The following TRPM3 variants were observed in gnomAD, a reference collection of about 807,000 sequenced individuals.
The protein encoded by TRPM3 is transient receptor potential cation channel subfamily M member 3.
TRPM3 carries 77 observed loss-of-function variants against 181.2 expected under a neutral mutation model. The ratio of observed to expected loss-of-function variants is 0.42; its 90% confidence interval spans 0.35 to 0.51. TRPM3 has a LOEUF of 0.51. TRPM3 is among the 20% of genes least tolerant of loss of function. The pLI is 0.01. For missense variants in TRPM3, 1,759 were observed against 2,196.7 expected (o/e 0.80, Z 3.98); for synonymous variants, 745 against 796.4 (o/e 0.94, Z 1.09).
intron 6 of TRPM3, among the ~76,000 whole-genome samples, chr9:70,817,636 A>G (rs2092819031): frequency 6.6e-6 from 1 of 152,136 alleles, no homozygotes; most frequent in Non-Finnish European, 1.5e-5. Context: ...CTGCCAATCT[A>G]ATCTCTTACT....
rs145157017 is a variant in TRPM3, at chr9:71,377,231, C to T, written c.183+69422G>A. ...CAATTCCTATTGACCAAAGATACTTCGATAGCAGATCATTATAATAAATCT... is the reference window on the plus strand; with the variant it reads ...CAATTCCTATTGACCAAAGATACTTTGATAGCAGATCATTATAATAAATCT... On this transcript the variant is annotated intron_variant, in intron 1 of 24. Transcript: ENST00000357533. Among the ~76,000 whole-genome samples, 146 of 152,078 alleles carry T rather than the reference C, an allele frequency of 9.6e-4. 2 individuals are homozygous for T. Among genetic ancestry groups the T allele is most frequent in the South Asian group, 5.8e-3 (28 of 4,816 alleles).
At chr9:71,242,923 C>T (rs935158953) in intron 1 of TRPM3, among the ~76,000 whole-genome samples, 5 of 152,116 alleles carry the variant, frequency 3.3e-5, no homozygotes, top group Non-Finnish European at 7.3e-5. Flanking sequence ...GTCATTTTGC[C>T]CTGTTTGCCC....
chr9:71,242,555 A>G (rs568691086), intron 1 of TRPM3, among the ~76,000 whole-genome samples: 1 of 152,318 alleles, frequency 6.6e-6, no homozygotes, highest in African/African-American at 2.4e-5. Flanking sequence ...TTGGCAGAGA[A>G]AGATGTCTAT....
chr9:71,231,853 G>A (rs2309893), intron 1 of TRPM3, among the ~76,000 whole-genome samples: 20,374 of 152,074 alleles, frequency 0.13, 1,756 homozygotes, highest in Non-Finnish European at 0.19. Context: ...TGAGTGATGC[G>A]ATCATTCATA....
At chr9:70,674,601 C>G (rs2063620988) in intron 9 of TRPM3, among the ~76,000 whole-genome samples, 1 of 151,880 alleles carries the variant, frequency 6.6e-6, no homozygotes, top group African/African-American at 2.4e-5. Context: ...GCTCTGTTGC[C>G]CAGCCTGGAG....
At chr9:70,760,730 G>A (rs1198554811) in intron 8 of TRPM3, 4 of 150,670 alleles carry the variant, frequency 2.7e-5, no homozygotes. Flanking sequence ...TGACCTTTGA[G>A]AATAGTCTCT....
intron 1 of TRPM3, among the ~76,000 whole-genome samples, chr9:71,368,002 ATG>A (rs3041720): frequency 0.5 from 76,274 of 151,252 alleles, 19,555 homozygotes; most frequent in East Asian, 0.6. Context: ...GCACACACAC[ATG>A]TGAGTGTATG....
chr9:70,787,339 T>A (rs764540423), intron 6 of TRPM3, among the ~76,000 whole-genome samples: 10 of 152,172 alleles, frequency 6.6e-5, no homozygotes, highest in Non-Finnish European at 1.3e-4. Flanking sequence ...ATTGAATATA[T>A]CTATGCTTCC....
At chr9:71,090,793 A>T (rs1012628181) in intron 1 of TRPM3, among the ~76,000 whole-genome samples, 4 of 152,166 alleles carry the variant, frequency 2.6e-5, no homozygotes, top group African/African-American at 9.7e-5. Context: ...AATAATGACT[A>T]CCTACTTCAT....
chr9:70,749,952 C>T (rs2075838180), intron 8 of TRPM3, among the ~76,000 whole-genome samples: 1 of 152,130 alleles, frequency 6.6e-6, no homozygotes, highest in African/African-American at 2.4e-5. Context: ...TTGACAGTCA[C>T]TGCATGTATC....
intron 1 of TRPM3, among the ~76,000 whole-genome samples, chr9:71,034,153 G>A (rs1168899467): frequency 6.6e-6 from 1 of 152,108 alleles, no homozygotes; most frequent in Non-Finnish European, 1.5e-5. Context: ...GTTATTTGAA[G>A]ACCTACTGTA....
intron 15 of TRPM3, among the ~76,000 whole-genome samples, chr9:70,620,960 C>T (rs1267881339): frequency 1.3e-5 from 2 of 148,930 alleles, no homozygotes; most frequent in Admixed American, 1.3e-4. Flanking sequence ...GCAGATATAA[C>T]CTCATGGTGG....
chr9:70,693,753 G>T (rs1462463124), intron 8 of TRPM3, among the ~76,000 whole-genome samples: 10 of 152,264 alleles, frequency 6.6e-5, no homozygotes, highest in Admixed American at 6.5e-4. Context: ...CCTCTCTGGG[G>T]ACCTGCCCAC....
intron 6 of TRPM3, among the ~76,000 whole-genome samples, chr9:70,824,106 G>A (rs1400489049): frequency 6.6e-6 from 1 of 152,148 alleles, no homozygotes; most frequent in Non-Finnish European, 1.5e-5. Context: ...AATGTTTAGG[G>A]GAAATATTCT....
chr9:70,602,106 C>CTTTTTTTTTTT (rs6151027), intron 20 of TRPM3, among the ~76,000 whole-genome samples: 8 of 128,200 alleles, frequency 6.2e-5, no homozygotes, highest in African/African-American at 2.9e-5. Flanking sequence ...CAAGGCATTC[C>CTTTTTTTTTTT]TTTTTTTTTT....
chr9:70,609,473 A>T (rs1360825717), intron 19 of TRPM3, among the ~76,000 whole-genome samples: 1 of 152,222 alleles, frequency 6.6e-6, no homozygotes, highest in Non-Finnish European at 1.5e-5. Context: ...TTAAAGTGGT[A>T]GTTTCCGAAT....
chr9:71,438,103 G>A (rs1007030492), intron 1 of TRPM3, among the ~76,000 whole-genome samples: 6 of 152,098 alleles, frequency 3.9e-5, no homozygotes, highest in Non-Finnish European at 5.9e-5. Flanking sequence ...CATCTGAGAT[G>A]ACACCATTGG....
chr9:71,266,340 C>CA (rs891892332), intron 1 of TRPM3, among the ~76,000 whole-genome samples: 33 of 148,804 alleles, frequency 2.2e-4, no homozygotes, highest in South Asian at 6.4e-4. Context: ...GAGGGAGTGG[C>CA]AAAAAAAAAG....
At chr9:71,123,597 T>C (rs2073859341), upstream of TRPM3, among the ~76,000 whole-genome samples, 1 of 152,204 alleles carries the variant, frequency 6.6e-6, no homozygotes, top group Admixed American at 6.5e-5. Flanking sequence ...CATGCATACA[T>C]ATGGTAGTAG....
Sources: allele counts gnomAD v4.1 joint callset (sites outside exome capture counted in the v4.1 genomes callset), GRCh38; gene constraint gnomAD v4.1.1; transcripts MANE v1.5; gene names NCBI Gene and HGNC (gene_info 2026-07-23, HGNC 2026-07-21).